BIRC7: variants seen among roughly 807,000 people sequenced by gnomAD.
The protein encoded by BIRC7 is baculoviral IAP repeat containing 7.
BIRC7 carries 26 observed loss-of-function variants against 33.2 expected under a neutral mutation model. That is an observed-to-expected ratio of 0.78 (90% CI 0.57 to 1.09). The LOEUF (loss-of-function observed/expected upper bound fraction) is 1.09. Among genes scored for constraint, BIRC7 ranks in the 50% least tolerant of loss-of-function variants. The pLI is 0.00. For missense variants in BIRC7, 409 were observed against 401.2 expected, an observed-to-expected ratio of 1.02 and a Z score of -0.17; for synonymous variants, 176 against 171.0, an observed-to-expected ratio of 1.03 and a Z score of -0.23.
rs747602542 is a variant in BIRC7, at chr20:63,238,248, G to A, written c.450-148G>A. ...GACTACCCTGAAGCCCCATGGAGGC[G>A]TCTCCACAGCAGCCCTCCTCGCCCA... On this transcript the variant is annotated intron_variant, in intron 2 of 6. Transcript: ENST00000217169. The A allele has an allele frequency of 4.9e-5, 50 of 1,012,512 alleles. 1 individual carries two copies. The highest frequency in any genetic ancestry group is 1.1e-4 in the South Asian group (8 of 73,164). 62.7% of individuals were successfully genotyped at this position (1,012,512 alleles called of 1,614,324 possible).
Position 63,235,916 on chromosome 20 carries a change from G to C in BIRC7, c.-181G>C. On this transcript the variant is annotated 5_prime_UTR_variant, in exon 1 of 7. Coordinates refer to ENST00000217169, the MANE Select transcript of BIRC7 (RefSeq NM_139317.3). ...AGGCCACCCTGGCCACTTCCAGAAA[G>C]CTGTGGGCCCTGGGATACTCCCCTC... 1 of 747,012 alleles carries C rather than the reference G, an allele frequency of 1.3e-6. No individual in the cohort carries two copies. Among genetic ancestry groups the C allele is most frequent in the Non-Finnish European group, 2.0e-6 (1 of 492,796 alleles). 46.3% of individuals were successfully genotyped at this position (747,012 alleles called of 1,614,324 possible). A position where few individuals can be genotyped will look rare whatever the true frequency, so the allele number is the denominator to read the frequency against.
chr20:63,239,963 C>T (rs1355443782), intron 6 of BIRC7, among the ~76,000 whole-genome samples: 2 of 152,224 alleles, frequency 1.3e-5, no homozygotes, highest in Non-Finnish European at 2.9e-5. Context: ...CTTACACAAG[C>T]GAGACACTGG....
chr20:63,239,286 A>G (rs1254907610), intron 5 of BIRC7, 53 bp downstream of exon 5: 1 of 1,606,698 alleles, frequency 6.2e-7, no homozygotes, highest in Non-Finnish European at 8.5e-7. Flanking sequence ...GGGCTGAGGG[A>G]CCCCGACCTT....
intron 1 of BIRC7, among the ~76,000 whole-genome samples, chr20:63,236,998 C>T (rs1266021064): frequency 4.6e-5 from 7 of 152,248 alleles, no homozygotes; most frequent in Admixed American, 4.6e-4. Context: ...TGCTCCTCTG[C>T]CCTACAGCTG....
intron 1 of BIRC7, among the ~76,000 whole-genome samples, chr20:63,236,821 T>C (rs947997882): frequency 3.3e-5 from 5 of 152,184 alleles, no homozygotes; most frequent in Non-Finnish European, 7.4e-5. Flanking sequence ...GGAGAGGAGA[T>C]GTTTAAAGAA....
chr20:63,238,739 G>T, intron 4 of BIRC7, 125 bp downstream of exon 4: 1 of 1,360,020 alleles, frequency 7.4e-7, no homozygotes, highest in Non-Finnish European at 1.0e-6. Flanking sequence ...AGGGTGTGAC[G>T]CTGCTGCCTG....
chr20:63,239,664 C>A (rs551028789), intron 6 of BIRC7, 54 bp downstream of exon 6: 2 of 1,521,618 alleles, frequency 1.3e-6, no homozygotes, highest in East Asian at 2.4e-5. Context: ...GGGCCCTGAG[C>A]CGGCTGTGCC....
intron 1 of BIRC7, among the ~76,000 whole-genome samples, chr20:63,236,873 G>C (rs2066692360): frequency 6.6e-6 from 1 of 152,232 alleles, no homozygotes; most frequent in African/African-American, 2.4e-5. Flanking sequence ...CAGCCAGAAG[G>C]TCCTGGATGC....
In BIRC7 at chr20:63,236,103, C is replaced by T. The variant is rs1344786850; in HGVS notation, c.7C>T (p.Pro3Ser). ...CAGAGCCAGTGTTCCCTCCATGGGA[C>T]CTAAAGACAGTGCCAAGTGCCTGCA... MGPKDSAKCLHRG... is the reference protein window; with the variant it reads MGSKDSAKCLHRG... The change falls in exon 1 of 7, where the codon CCT becomes TCT. Residue 3 changes from proline (P) to serine (S), a missense_variant. Physicochemically the swap from Pro to Ser is moderately conservative, Grantham distance 74. Coordinates refer to ENST00000217169, the MANE Select transcript of BIRC7 (RefSeq NM_139317.3). 1.3e-6 allele frequency: 2 copies of T among 1,552,414 alleles called. No individual in the cohort carries two copies. The highest frequency in any genetic ancestry group is 1.4e-5 in the African/African-American group (1 of 73,606).
intron 1 of BIRC7, among the ~76,000 whole-genome samples, chr20:63,236,718 G>A (rs865906338): frequency 1.5e-4 from 23 of 152,226 alleles, no homozygotes; most frequent in Admixed American, 9.2e-4. Context: ...TGTGGAGGCC[G>A]CCAGCTTGGT....
chr20:63,239,228 A>G lies in BIRC7; in HGVS notation c.644A>G (p.Glu215Gly), dbSNP rs771892125. 1 of 1,603,874 alleles carries G rather than the reference A, an allele frequency of 6.2e-7. No homozygotes were observed. Among genetic ancestry groups the G allele is most frequent in the Admixed American group, 1.7e-5 (1 of 58,834 alleles). ...GAGGTCCAGTCTGAAAGTGCCCAGG[A>G]GCCAGGTGCAGGCCCGGGACCCCCT... ...RREVQSESAQ[E>G]PGGVSPAEAQ... The change falls in exon 5 of 7, where the codon GAG becomes GGG. Residue 215 changes from glutamate (E) to glycine (G), a missense_variant. Coordinates refer to ENST00000217169, the MANE Select transcript of BIRC7 (RefSeq NM_139317.3).
At chr20:63,238,865 G>T (rs1185686502) in intron 4 of BIRC7, 2 of 636,596 alleles carry the variant, frequency 3.1e-6, no homozygotes, top group Non-Finnish European at 5.4e-6. Context: ...ACAGCCCATT[G>T]CCTGTCGCCA....
Sources: gnomAD v4.1 joint callset for allele counts (sites outside exome capture counted in the v4.1 genomes callset) on GRCh38, gnomAD v4.1.1 for gene constraint, MANE v1.5 for transcripts, NCBI Gene and HGNC (gene_info 2026-07-23, HGNC 2026-07-21) for gene names.